The following PUS7L variants were observed in gnomAD, a reference collection of about 807,000 sequenced individuals.
The protein encoded by PUS7L is pseudouridylate synthase PUS7L.
Under a neutral mutation model 51.1 loss-of-function variants are expected in PUS7L, and 49 were observed. The ratio of observed to expected loss-of-function variants is 0.96; its 90% CI spans 0.76 to 1.22. The LOEUF (loss-of-function observed/expected upper bound fraction) is 1.22. Among genes scored for constraint, PUS7L ranks in the 50% most tolerant of loss-of-function variants. The pLI is 0.00. For synonymous variants in PUS7L, 277 were observed against 276.2 expected (o/e 1.00, Z -0.03); for missense variants, 828 against 820.6 (o/e 1.01, Z -0.11).
rs1322004727 is a variant in PUS7L, at chr12:43,722,564, C to T, written c.*7812G>A. ...AATAAAAATGTATTCGATTCCTTTGCGATATTTTATAGAAAAATAAATTAG... is the reference window on the plus strand; with the variant it reads ...AATAAAAATGTATTCGATTCCTTTGTGATATTTTATAGAAAAATAAATTAG... On this transcript the variant is annotated 3_prime_UTR_variant, in exon 9 of 9. Transcript: ENST00000344862. 2.6e-5 allele frequency: 4 copies of T among 151,870 alleles called. No individual in the cohort carries two copies. The highest frequency in any genetic ancestry group is 2.1e-4 in the South Asian group (1 of 4,814). The allele number at this position is 151,870 out of a possible 1,614,324, so 9.4% of individuals were successfully genotyped here. A position where few individuals can be genotyped will look rare whatever the true frequency, so the allele number is the denominator to read the frequency against.
intron 1 of PUS7L, among the ~76,000 whole-genome samples, chr12:43,757,995 A>G (rs149364787): frequency 2.0e-5 from 3 of 152,310 alleles, no homozygotes; most frequent in Admixed American, 6.5e-5. Context: ...ATGGATGGCT[A>G]CTGTTAGTGT....
Position 43,748,485 on chromosome 12 carries a change from A to G in PUS7L, c.1035T>C (p.Tyr345=). ...AGLKDKKAIT[Y]QAMVVRKVTP... ...TCACTTTTCTAACAACCATTGCTTGATAGGTGATGGCTTTCTTGTCTTTAA... is the reference window on the plus strand; with the variant it reads ...TCACTTTTCTAACAACCATTGCTTGGTAGGTGATGGCTTTCTTGTCTTTAA... Residue 345 remains tyrosine, a synonymous_variant, in exon 3 of 9, where the codon TAT becomes TAC. Transcript: ENST00000344862. The G allele has an allele frequency of 6.2e-7, 1 of 1,604,774 alleles. No homozygotes were observed. Among genetic ancestry groups the G allele is most frequent in the South Asian group, 1.1e-5 (1 of 88,246 alleles).
intron 5 of PUS7L, chr12:43,740,845 A>G (rs1211551797): frequency 1.3e-5 from 2 of 151,800 alleles, no homozygotes; most frequent in African/African-American, 4.9e-5. Flanking sequence ...AGGAGAAGCC[A>G]TGCCACAAAT....
chr12:43,739,594 C>T (rs189858727), intron 5 of PUS7L: 1,756 of 152,264 alleles, frequency 0.012, 19 homozygotes, highest in Middle Eastern at 0.02. Context: ...CCACCACGCC[C>T]GGCTGATTTT....
chr12:43,758,190 A>G (rs553201023), intron 1 of PUS7L: 21 of 424,322 alleles, frequency 4.9e-5, no homozygotes, highest in Middle Eastern at 2.4e-3. Flanking sequence ...TTCTCCCAGA[A>G]AAAAGGAGGA....
At chr12:43,734,830 A>C (rs1375522549) in intron 7 of PUS7L, among the ~76,000 whole-genome samples, 4 of 152,182 alleles carry the variant, frequency 2.6e-5, no homozygotes, top group African/African-American at 9.7e-5. Flanking sequence ...TTTGTTCTCT[A>C]AAATTCAATG....
chr12:43,742,919 T>C lies in PUS7L; in HGVS notation c.1264-364A>G, dbSNP rs548137303. 5.1e-4 allele frequency among the ~76,000 whole-genome samples: 77 copies of C among 152,348 alleles called. 1 individual carries two copies. Among genetic ancestry groups the C allele is most frequent in the Non-Finnish European group, 7.3e-4 (50 of 68,034 alleles). On this transcript the variant is annotated intron_variant, in intron 4 of 8. Coordinates refer to ENST00000344862, the MANE Select transcript of PUS7L (RefSeq NM_031292.5). ...ATCTGATCCCTACTCTGATGCTCTT[T>C]CTTATTTTGAGACTCTTCGGCTGTC... is the stretch of plus-strand genomic sequence containing the variant.
chr12:43,750,454 T>G (rs1300975992), intron 2 of PUS7L, among the ~76,000 whole-genome samples: 1 of 152,212 alleles, frequency 6.6e-6, no homozygotes, highest in Admixed American at 6.5e-5. Flanking sequence ...TATGGGAACA[T>G]TTACAAAATC....
Position 43,725,423 on chromosome 12 carries a change from A to T in PUS7L, c.*4953T>A, listed in dbSNP as rs1178198004. 1 of 144,712 alleles carries T rather than the reference A, an allele frequency of 6.9e-6. No homozygotes were observed. The highest frequency in any genetic ancestry group is 2.7e-5 in the African/African-American group (1 of 36,548). The allele number at this position is 144,712 out of a possible 1,614,324, so 9.0% of individuals were successfully genotyped here. On this transcript the variant is annotated 3_prime_UTR_variant, in exon 9 of 9. Transcript: ENST00000344862. ...AAATGGAAGTTATATTTTAATTTTT[A>T]GTTTAGTTTTTTTTTTTTTTTGAGG... is the stretch of plus-strand genomic sequence containing the variant.
chr12:43,756,471 G>A (rs1938705563), intron 1 of PUS7L, among the ~76,000 whole-genome samples: 1 of 152,188 alleles, frequency 6.6e-6, no homozygotes, highest in Non-Finnish European at 1.5e-5. Flanking sequence ...CTTTTGAAGA[G>A]CCTGCCATTG....
intron 3 of PUS7L, among the ~76,000 whole-genome samples, chr12:43,746,575 C>T (rs1244106285): frequency 6.6e-6 from 1 of 152,200 alleles, no homozygotes; most frequent in African/African-American, 2.4e-5. Flanking sequence ...CTTTCCTTCT[C>T]AGTCTCTTTA....
chr12:43,730,427 A>G lies in PUS7L; in HGVS notation c.2055T>C (p.Ala685=). 6.2e-7 allele frequency: 1 copy of G among 1,613,862 alleles called. No homozygotes were observed. ...TCAGACAAACGGTAGCATAGCATGA[A>G]GCATCAAGATCAAAAGAGATCAAAA... ...LSLLISFDLD[A]SCYATVCLKE... is the part of the protein sequence containing the mutation. The change falls in exon 9 of 9, where the codon GCT becomes GCC. Residue 685 remains alanine, a synonymous_variant. Coordinates refer to ENST00000344862, the MANE Select transcript of PUS7L (RefSeq NM_031292.5).
chr12:43,744,849 C>T (rs961623715), intron 4 of PUS7L, among the ~76,000 whole-genome samples: 12 of 152,120 alleles, frequency 7.9e-5, no homozygotes, highest in Admixed American at 7.2e-4. Flanking sequence ...AAAATAAGTA[C>T]TAATGCCTAA....
chr12:43,757,186 T>A (rs1592188886), intron 1 of PUS7L, among the ~76,000 whole-genome samples: 2 of 152,226 alleles, frequency 1.3e-5, no homozygotes, highest in African/African-American at 4.8e-5. Flanking sequence ...TCTCTTTTTT[T>A]TTGAGACGAA....
At chr12:43,733,470 C>CTCAT (rs1203106707) in intron 7 of PUS7L, among the ~76,000 whole-genome samples, 3 of 152,064 alleles carry the variant, frequency 2.0e-5, no homozygotes, top group African/African-American at 7.2e-5. Context: ...GGAAATTCTG[C>CTCAT]AAAATATGTA....
chr12:43,740,639 T>C (rs1372336721), intron 5 of PUS7L, among the ~76,000 whole-genome samples: 6 of 152,080 alleles, frequency 3.9e-5, no homozygotes, highest in African/African-American at 9.7e-5. Flanking sequence ...AACCAGCCTC[T>C]AAGATGGCCC....
intron 6 of PUS7L, 130 bp downstream of exon 6, chr12:43,738,180 C>A (rs1937701841): frequency 1.3e-5 from 8 of 611,420 alleles, no homozygotes; most frequent in Non-Finnish European, 2.3e-5. Flanking sequence ...TAAAAGTGTT[C>A]AGTATGTAAT....
At chr12:43,744,601 A>G (rs1938076776) in intron 4 of PUS7L, among the ~76,000 whole-genome samples, 1 of 152,328 alleles carries the variant, frequency 6.6e-6, no homozygotes, top group Non-Finnish European at 1.5e-5. Context: ...GAATGGACTA[A>G]CAAAACATAT....
At chr12:43,743,077 A>G (rs1328791049) in intron 4 of PUS7L, among the ~76,000 whole-genome samples, 1 of 152,240 alleles carries the variant, frequency 6.6e-6, no homozygotes, top group Non-Finnish European at 1.5e-5. Context: ...CCACTTCAGC[A>G]GTACTCTACC....
Sources: gnomAD v4.1 joint callset for allele counts (sites outside exome capture counted in the v4.1 genomes callset) on GRCh38, gnomAD v4.1.1 for gene constraint, MANE v1.5 for transcripts, NCBI Gene and HGNC (gene_info 2026-07-23, HGNC 2026-07-21) for gene names.